FSTL4: variants seen among roughly 807,000 people sequenced by gnomAD.
The protein encoded by FSTL4 is follistatin like 4, also known as follistatin-related protein 4.
Under a neutral mutation model 78.2 loss-of-function variants are expected in FSTL4, and 28 were observed. The ratio of observed to expected loss-of-function variants is 0.36; its 90% CI spans 0.27 to 0.49. The LOEUF (loss-of-function observed/expected upper bound fraction) is 0.49, where lower values mean the gene tolerates loss of function less well. Ranked by LOEUF, FSTL4 falls within the 20% of genes least tolerant of loss-of-function variation. The probability of loss-of-function intolerance (pLI) is 0.98; values close to 1 mark genes in which losing one functional copy is unlikely to be tolerated. For synonymous variants in FSTL4, 422 were observed against 440.5 expected, an observed-to-expected ratio of 0.96 and a Z score of 0.53; for missense variants, 922 against 1,084.9, an observed-to-expected ratio of 0.85 and a Z score of 2.11.
chr5:133,538,226 CT>C (rs1254791007), intron 3 of FSTL4, among the ~76,000 whole-genome samples: 1 of 152,062 alleles, frequency 6.6e-6, no homozygotes, highest in Non-Finnish European at 1.5e-5. Context: ...CTTTCTGTCT[CT>C]TGACCTTAAT....
At chr5:133,568,240 G>A (rs752340440) in intron 2 of FSTL4, among the ~76,000 whole-genome samples, 1 of 152,108 alleles carries the variant, frequency 6.6e-6, no homozygotes, top group South Asian at 2.1e-4. Context: ...CATCATAAAC[G>A]ACATGTTTTG....
chr5:133,477,214 AG>A lies in FSTL4; in HGVS notation c.161-76229del, dbSNP rs201433294. Among the ~76,000 whole-genome samples, 1,306 of 152,354 alleles carry A rather than the reference AG, an allele frequency of 8.6e-3. 21 individuals are homozygous for A. The highest frequency in any genetic ancestry group is 0.029 in the African/African-American group (1,199 of 41,572). On this transcript the variant is annotated intron_variant, in intron 3 of 15. Transcript: ENST00000265342. ...CTAGAAAGAAAAAAGAAAAAGAAAAAGCTTAAAATATATTCTTCAAATCTGC... is the reference window on the plus strand; with the variant it reads ...CTAGAAAGAAAAAAGAAAAAGAAAAACTTAAAATATATTCTTCAAATCTGC...
intron 4 of FSTL4, among the ~76,000 whole-genome samples, chr5:133,341,408 C>G (rs991412730): frequency 6.6e-6 from 1 of 152,100 alleles, no homozygotes; most frequent in East Asian, 1.9e-4. Context: ...TTGGGCTCAG[C>G]GGCTGGCTCT....
At chr5:133,488,635 A>G (rs533370434) in intron 3 of FSTL4, among the ~76,000 whole-genome samples, 1 of 152,232 alleles carries the variant, frequency 6.6e-6, no homozygotes, top group African/African-American at 2.4e-5. Flanking sequence ...AATCATGTTT[A>G]TCTCTAGATG....
chr5:133,374,883 A>G (rs1755393986), intron 4 of FSTL4, among the ~76,000 whole-genome samples: 1 of 152,152 alleles, frequency 6.6e-6, no homozygotes, highest in Non-Finnish European at 1.5e-5. Flanking sequence ...AGCCACTTAG[A>G]CTATGATAAT....
intron 13 of FSTL4, among the ~76,000 whole-genome samples, chr5:133,215,194 A>AT (rs922281456): frequency 1.3e-5 from 2 of 151,890 alleles, no homozygotes; most frequent in African/African-American, 4.8e-5. Context: ...CTTTATCCTA[A>AT]TTTTTTCCTA....
chr5:133,647,492 C>A, the FSTL4 span, among the ~76,000 whole-genome samples: 2 of 152,158 alleles, frequency 1.3e-5, no homozygotes, highest in African/African-American at 2.4e-5. Context: ...GGCCTACCAG[C>A]AAACTCTGCA....
At chr5:133,627,179 A>G in the FSTL4 span, among the ~76,000 whole-genome samples, 1 of 120,770 alleles carries the variant, frequency 8.3e-6, no homozygotes. Flanking sequence ...TTTTGCTATG[A>G]AGTCTACTGT....
At chr5:133,825,712 T>C in the FSTL4 span, among the ~76,000 whole-genome samples, 1 of 152,208 alleles carries the variant, frequency 6.6e-6, no homozygotes, top group South Asian at 2.1e-4. Flanking sequence ...GTGCCCTCGG[T>C]CTGGACTGGA....
chr5:133,262,506 T>C (rs914180670), intron 6 of FSTL4, among the ~76,000 whole-genome samples: 6 of 152,308 alleles, frequency 3.9e-5, no homozygotes, highest in African/African-American at 1.4e-4. Flanking sequence ...CCTTCCTAAA[T>C]GTCCACAGCT....
At chr5:133,352,722 G>A (rs1385891119) in intron 4 of FSTL4, among the ~76,000 whole-genome samples, 5 of 152,066 alleles carry the variant, frequency 3.3e-5, no homozygotes, top group Non-Finnish European at 7.4e-5. Context: ...CTATTTCTGC[G>A]TTAGTTCACT....
intron 13 of FSTL4, among the ~76,000 whole-genome samples, chr5:133,212,176 A>T (rs1190647384): frequency 6.6e-6 from 1 of 152,172 alleles, no homozygotes; most frequent in East Asian, 1.9e-4. Flanking sequence ...TAATGATACC[A>T]TCTTGACAAC....
At chr5:133,294,457 C>T (rs13163993) in intron 6 of FSTL4, among the ~76,000 whole-genome samples, 54,310 of 152,028 alleles carry the variant, frequency 0.36, 11,041 homozygotes, top group Middle Eastern at 0.54. Context: ...GCATGCTCCA[C>T]GTGCCACCCA....
intron 4 of FSTL4, among the ~76,000 whole-genome samples, chr5:133,382,318 A>C (rs1269726427): frequency 6.6e-6 from 1 of 152,120 alleles, no homozygotes; most frequent in Non-Finnish European, 1.5e-5. Context: ...AGAAACTTTT[A>C]CTGGGGTGCC....
At chr5:133,834,793 G>A in the FSTL4 span, among the ~76,000 whole-genome samples, 6 of 151,968 alleles carry the variant, frequency 3.9e-5, no homozygotes, top group Non-Finnish European at 8.8e-5. Flanking sequence ...TTCTAAGTTA[G>A]CTATCAAATA....
intron 6 of FSTL4, among the ~76,000 whole-genome samples, chr5:133,282,565 G>A (rs1753034013): frequency 6.6e-6 from 1 of 152,222 alleles, no homozygotes; most frequent in Non-Finnish European, 1.5e-5. Flanking sequence ...GGGTGAGCTG[G>A]AGGTGCAGCA....
the FSTL4 span, among the ~76,000 whole-genome samples, chr5:133,637,017 T>C: frequency 6.6e-6 from 1 of 152,118 alleles, no homozygotes; most frequent in Non-Finnish European, 1.5e-5. Context: ...AGTGGAAGCA[T>C]AAGTAGAGGG....
chr5:133,478,284 G>A (rs920613039), intron 3 of FSTL4, among the ~76,000 whole-genome samples: 7 of 152,060 alleles, frequency 4.6e-5, no homozygotes, highest in Admixed American at 3.9e-4. Flanking sequence ...TCATCTTCAC[G>A]ATTTATGGTG....
chr5:133,444,598 A>AGCTT (rs1757223494), intron 3 of FSTL4, among the ~76,000 whole-genome samples: 1 of 152,174 alleles, frequency 6.6e-6, no homozygotes, highest in Non-Finnish European at 1.5e-5. Context: ...CCAGCTTTGA[A>AGCTT]TCAGAGGCCT....
Sources: allele counts gnomAD v4.1 joint callset (sites outside exome capture counted in the v4.1 genomes callset), GRCh38; gene constraint gnomAD v4.1.1; transcripts MANE v1.5; gene names NCBI Gene and HGNC (gene_info 2026-07-23, HGNC 2026-07-21).